Variants in ATG13 observed in about 807,000 individuals in gnomAD.
ATG13 encodes autophagy related 13.
In ATG13, 23 loss-of-function variants were observed where a neutral mutation model predicts 65.5. That is an observed-to-expected ratio of 0.35 (90% CI 0.25 to 0.50). The LOEUF is 0.50. Ranked by LOEUF, ATG13 falls within the 20% of genes least tolerant of loss-of-function variation. ATG13 has a pLI of 0.98. For missense variants in ATG13, 566 were observed against 677.0 expected (o/e 0.84, Z 1.82); for synonymous variants, 252 against 245.2 (o/e 1.03, Z -0.26).
intron 1 of ATG13, among the ~76,000 whole-genome samples, chr11:46,625,781 T>C (rs2049354875): frequency 6.6e-6 from 1 of 152,156 alleles, no homozygotes; most frequent in African/African-American, 2.4e-5. Flanking sequence ...TGTTACAACA[T>C]ACAGAAGAAC....
At chr11:46,647,341 G>C (rs2057886970) in intron 5 of ATG13, among the ~76,000 whole-genome samples, 1 of 141,394 alleles carries the variant, frequency 7.1e-6, no homozygotes, top group African/African-American at 2.7e-5. Context: ...GCAGTGGCAT[G>C]ATCTCAGCTC....
intron 11 of ATG13, among the ~76,000 whole-genome samples, chr11:46,663,142 T>C (rs1172145709): frequency 6.6e-6 from 1 of 151,718 alleles, no homozygotes; most frequent in Non-Finnish European, 1.5e-5. Context: ...GGCGGGCACC[T>C]GTAGTCTCAG....
intron 2 of ATG13, among the ~76,000 whole-genome samples, chr11:46,636,054 G>C (rs1182375925): frequency 5.3e-5 from 8 of 151,658 alleles, no homozygotes; most frequent in Admixed American, 2.6e-4. Flanking sequence ...GTCTGAAGTG[G>C]GTATATGTTT....
intron 11 of ATG13, among the ~76,000 whole-genome samples, chr11:46,660,186 C>A (rs931296729): frequency 1.4e-4 from 21 of 152,302 alleles, no homozygotes; most frequent in African/African-American, 5.1e-4. Context: ...TCATCCTCAG[C>A]TTCCTTGCCT....
intron 2 of ATG13, chr11:46,638,521 A>G (rs1197782394): frequency 1.3e-5 from 2 of 152,162 alleles, no homozygotes; most frequent in Admixed American, 1.3e-4. Context: ...GATATAGAAC[A>G]CTGGAACTTA....
At chr11:46,641,967 G>A (rs768361707) in intron 2 of ATG13, among the ~76,000 whole-genome samples, 1 of 151,784 alleles carries the variant, frequency 6.6e-6, no homozygotes, top group African/African-American at 2.4e-5. Flanking sequence ...GATTAGAGAC[G>A]GGTTGTGCCA....
chr11:46,663,385 T>C (rs1248167625), intron 11 of ATG13, among the ~76,000 whole-genome samples: 1 of 152,086 alleles, frequency 6.6e-6, no homozygotes, highest in Non-Finnish European at 1.5e-5. Flanking sequence ...CCCAGCTTTT[T>C]ACTTCATCAG....
In ATG13 at chr11:46,668,615, G is replaced by A. The variant is rs754260703; in HGVS notation, c.1329+39G>A. 3.8e-6 allele frequency: 6 copies of A among 1,592,080 alleles called. No homozygotes were observed. In the South Asian group the frequency reaches 6.6e-5, roughly 18 times the overall value. On this transcript the variant is annotated intron_variant, in intron 16 of 18. Transcript: ENST00000683050. The stretch of plus-strand genomic sequence containing the variant: ...TGACTACGAGTTCCCAGTAGATGGT[G>A]CGCTAGTCATTGTTCTTCCTGAGCC...
At position 46,644,265 on chromosome 11, in the gene ATG13, C is replaced by CA; in HGVS notation, c.-13-14_-13-13insA. ...AAAGATATTAGTCATATTTTTTTCA[C>CA]TTTTTTTTTTTAGATTCCTATAGGC... is the stretch of plus-strand genomic sequence containing the variant. On this transcript the variant is annotated splice_polypyrimidine_tract_variant and intron_variant, in intron 2 of 18. Coordinates refer to ENST00000683050, the MANE Select transcript of ATG13 (RefSeq NM_001346311.2). 1 of 1,164,702 alleles carries CA rather than the reference C, an allele frequency of 8.6e-7. No individual in the cohort carries two copies. The highest frequency in any genetic ancestry group is 2.4e-5 in the Admixed American group (1 of 41,202). The allele number at this position is 1,164,702 out of a possible 1,614,324, so 72.1% of individuals were successfully genotyped here. A position where few individuals can be genotyped will look rare whatever the true frequency, so the allele number is the denominator to read the frequency against.
chr11:46,659,693 G>A (rs2060759014), intron 11 of ATG13: 1 of 458,538 alleles, frequency 2.2e-6, no homozygotes, highest in Non-Finnish European at 3.9e-6. Flanking sequence ...ATTACATTTA[G>A]CCCTTACCTT....
Position 46,674,000 on chromosome 11 carries a change from A to G in ATG13, c.*1668A>G, listed in dbSNP as rs2064275217. 6.6e-6 allele frequency: 1 copy of G among 152,266 alleles called. No homozygotes were observed. Among genetic ancestry groups the G allele is most frequent in the Admixed American group, 6.5e-5 (1 of 15,286 alleles). 9.4% of individuals were successfully genotyped at this position (152,266 alleles called of 1,614,324 possible). ...GCCACCAAGAAGTGTTAGCAGAAGC[A>G]GTAGCAGCCAACTGGCCCTCCTGAC... On this transcript the variant is annotated 3_prime_UTR_variant, in exon 19 of 19. Transcript: ENST00000683050.
intron 15 of ATG13, among the ~76,000 whole-genome samples, 186 bp from the exon 16 acceptor site, chr11:46,668,313 G>A (rs1038705072): frequency 6.6e-6 from 1 of 152,218 alleles, no homozygotes; most frequent in Non-Finnish European, 1.5e-5. Flanking sequence ...TGCTGTGGGT[G>A]TATGTGATGG....
intron 1 of ATG13, among the ~76,000 whole-genome samples, chr11:46,627,807 C>T (rs190770243): frequency 8.5e-5 from 13 of 152,058 alleles, no homozygotes; most frequent in South Asian, 4.1e-4. Flanking sequence ...TAAGGCCAAG[C>T]GCAGTGGCTC....
At chr11:46,655,162 G>A (rs1322657350) in intron 7 of ATG13, among the ~76,000 whole-genome samples, 1 of 152,110 alleles carries the variant, frequency 6.6e-6, no homozygotes, top group Non-Finnish European at 1.5e-5. Context: ...CACTTTGGGA[G>A]GCTGAGACGG....
intron 10 of ATG13, among the ~76,000 whole-genome samples, chr11:46,658,485 C>A (rs1047623307): frequency 6.6e-6 from 1 of 151,794 alleles, no homozygotes; most frequent in Non-Finnish European, 1.5e-5. Flanking sequence ...TGCTCAAGCC[C>A]AGGAGTTGGA....
chr11:46,656,136 G>C, intron 7 of ATG13, 97 bp from the exon 8 acceptor site: 1 of 1,079,114 alleles, frequency 9.3e-7, no homozygotes, highest in Non-Finnish European at 1.4e-6. Flanking sequence ...AGATGAGTAA[G>C]GAAGGCTTTG....
intron 2 of ATG13, among the ~76,000 whole-genome samples, chr11:46,639,566 G>C (rs1373003723): frequency 6.6e-6 from 1 of 152,120 alleles, no homozygotes; most frequent in Non-Finnish European, 1.5e-5. Flanking sequence ...AGTATGCGGA[G>C]ACACTGGGTT....
chr11:46,649,106 A>G (rs1251068831), intron 5 of ATG13, 31 bp from the exon 6 acceptor site: 3 of 1,594,658 alleles, frequency 1.9e-6, no homozygotes, highest in Middle Eastern at 3.3e-4. Flanking sequence ...AAATTTTTTA[A>G]ACAAATATTT....
chr11:46,641,465 G>T (rs1205253822), intron 2 of ATG13, among the ~76,000 whole-genome samples: 2 of 152,148 alleles, frequency 1.3e-5, no homozygotes, highest in Non-Finnish European at 2.9e-5. Context: ...CAATATAGAT[G>T]AATTGTATTA....
Sources: gnomAD v4.1 joint callset for allele counts (sites outside exome capture counted in the v4.1 genomes callset) on GRCh38, gnomAD v4.1.1 for gene constraint, MANE v1.5 for transcripts, NCBI Gene and HGNC (gene_info 2026-07-23, HGNC 2026-07-21) for gene names.